Variants in PARD3 observed in about 807,000 individuals in gnomAD.
The protein encoded by PARD3 is partitioning defective 3 homolog.
PARD3 carries 75 observed loss-of-function variants against 155.4 expected under a neutral mutation model. That is an observed-to-expected ratio of 0.48 (90% CI 0.40 to 0.58). The LOEUF is 0.58. Among genes scored for constraint, PARD3 ranks in the 20% least tolerant of loss-of-function variants. PARD3 has a pLI of 0.00. For synonymous variants in PARD3, 576 were observed against 610.5 expected, an observed-to-expected ratio of 0.94 and a Z score of 0.83; for missense variants, 1,642 against 1,721.7, an observed-to-expected ratio of 0.95 and a Z score of 0.82.
At position 34,605,581 on chromosome 10, in the gene PARD3, ATATATATCTCC is replaced by A. The variant is rs1349200477; in HGVS notation, c.223-88433_223-88423del. The stretch of plus-strand genomic sequence containing the variant: ...TCTCCTATATATATATATATCTCCT[ATATATATCTCC>A]TATATATATATATCTCCTATATATA... On this transcript the variant is annotated intron_variant, in intron 2 of 24. Coordinates refer to ENST00000374788, the MANE Select transcript of PARD3 (RefSeq NM_001184785.2). Among the ~76,000 whole-genome samples the A allele has an allele frequency of 3.5e-3, 262 of 74,940 alleles. 25 individuals are homozygous for A. The highest frequency in any genetic ancestry group is 5.6e-3 in the East Asian group (19 of 3,394). The allele number at this position is 74,940 out of a possible 152,430, so 49.2% of individuals were successfully genotyped here.
chr10:34,493,319 T>A lies in PARD3; in HGVS notation c.404-23056A>T, dbSNP rs562027997. 1.6e-3 allele frequency among the ~76,000 whole-genome samples: 239 copies of A among 152,326 alleles called. 1 individual carries two copies. The highest frequency in any genetic ancestry group is 3.3e-3 in the South Asian group (16 of 4,826). ...AATGTCTTCAATCAATTCAAAAAAA[T>A]GTGACCTGTCTGCGTGTGGCACAGG... On this transcript the variant is annotated intron_variant, in intron 3 of 24. Coordinates refer to ENST00000374788, the MANE Select transcript of PARD3 (RefSeq NM_001184785.2).
At chr10:34,270,213 GCTCA>G (rs1400737507) in intron 21 of PARD3, among the ~76,000 whole-genome samples, 1 of 150,940 alleles carries the variant, frequency 6.6e-6, no homozygotes, top group Non-Finnish European at 1.5e-5. Context: ...TGAGATCTTG[GCTCA>G]CTGCAACCTC....
intron 2 of PARD3, among the ~76,000 whole-genome samples, chr10:34,646,705 G>A (rs961969727): frequency 3.3e-5 from 5 of 152,056 alleles, no homozygotes; most frequent in Admixed American, 2.0e-4. Context: ...TCGTTCTGTC[G>A]CCCAGGCTGG....
chr10:34,637,489 C>G (rs1310668097), intron 2 of PARD3, among the ~76,000 whole-genome samples: 6 of 152,188 alleles, frequency 3.9e-5, no homozygotes, highest in African/African-American at 7.2e-5. Flanking sequence ...AGAGACCAGT[C>G]GCAGAGGCTC....
chr10:34,494,569 C>G (rs1371211312), intron 3 of PARD3, among the ~76,000 whole-genome samples: 1 of 152,106 alleles, frequency 6.6e-6, no homozygotes, highest in Non-Finnish European at 1.5e-5. Context: ...GGTCCAGTGC[C>G]TCCAAACTTT....
intron 1 of PARD3, among the ~76,000 whole-genome samples, chr10:34,800,726 A>G (rs995763036): frequency 2.0e-5 from 3 of 152,194 alleles, no homozygotes; most frequent in Non-Finnish European, 2.9e-5. Context: ...GGAATGAAAA[A>G]AAAGTGACAG....
At chr10:34,666,598 G>A (rs372968502) in intron 2 of PARD3, among the ~76,000 whole-genome samples, 12 of 151,392 alleles carry the variant, frequency 7.9e-5, no homozygotes, top group African/African-American at 2.2e-4. Flanking sequence ...GGACTCCTTC[G>A]CCTCACCCTC....
In PARD3 at chr10:34,359,304, C is replaced by T. The variant is rs201098312; in HGVS notation, c.1910G>A (p.Arg637Gln). ...GGAASKDGRL[R>Q]VNDQLIAVNG... ...TACTGCTATCAGTTGATCATTCACC[C>T]GAAGCCTTCCATCCTGGGAAGAAAA... Residue 637 changes from arginine (R) to glutamine (Q), a missense_variant, in exon 14 of 25, where the codon CGG (arginine) becomes CAG (glutamine). This residue lies in a region of PARD3 where 1,529 missense variants were observed against 1,587.3 expected (regional missense o/e 0.96). Transcript: ENST00000374788. 4.3e-5 allele frequency: 69 copies of T among 1,613,046 alleles called. No individual in the cohort carries two copies. Among genetic ancestry groups the T allele is most frequent in the Non-Finnish European group, 5.4e-5 (64 of 1,179,568 alleles).
intron 1 of PARD3, among the ~76,000 whole-genome samples, chr10:34,735,850 A>T (rs1011621888): frequency 6.6e-6 from 1 of 152,134 alleles, no homozygotes; most frequent in African/African-American, 2.4e-5. Flanking sequence ...TAACAGAAAT[A>T]TTTTTTATAT....
chr10:34,653,560 G>A (rs1468698893), intron 2 of PARD3, among the ~76,000 whole-genome samples: 3 of 152,152 alleles, frequency 2.0e-5, no homozygotes, highest in Non-Finnish European at 4.4e-5. Flanking sequence ...GAACCATGAT[G>A]ATGAATCCAG....
chr10:34,800,479 TGG>T (rs1208044940), intron 1 of PARD3, among the ~76,000 whole-genome samples: 2 of 151,626 alleles, frequency 1.3e-5, no homozygotes, highest in African/African-American at 4.8e-5. Flanking sequence ...GGCGTGGTAG[TGG>T]GCACCTGTAA....
At chr10:34,583,158 A>T (rs2087654362) in intron 2 of PARD3, among the ~76,000 whole-genome samples, 1 of 152,226 alleles carries the variant, frequency 6.6e-6, no homozygotes, top group African/African-American at 2.4e-5. Flanking sequence ...TAAAAAATTT[A>T]CCAAAATGCA....
chr10:34,378,371 G>A (rs1361292224), intron 9 of PARD3, among the ~76,000 whole-genome samples: 1 of 152,138 alleles, frequency 6.6e-6, no homozygotes, highest in African/African-American at 2.4e-5. Context: ...ATGTAAATAT[G>A]ACTGCTAAAA....
At chr10:34,684,814 CACACACACACACACACAT>C (rs1173783689) in intron 2 of PARD3, among the ~76,000 whole-genome samples, 8 of 121,422 alleles carry the variant, frequency 6.6e-5, no homozygotes, top group African/African-American at 2.5e-4. Flanking sequence ...CACACACACA[CACACACACACACACACAT>C]ATATACACAC....
intron 22 of PARD3, among the ~76,000 whole-genome samples, chr10:34,241,138 G>A (rs1953563473): frequency 6.6e-6 from 1 of 152,192 alleles, no homozygotes; most frequent in African/African-American, 2.4e-5. Context: ...GAGGGACCAT[G>A]CGCTTGAGAG....
chr10:34,303,846 A>G (rs1052045565), intron 20 of PARD3, among the ~76,000 whole-genome samples: 1 of 152,170 alleles, frequency 6.6e-6, no homozygotes, highest in Non-Finnish European at 1.5e-5. Context: ...GAGACAGAGG[A>G]ATGAGCAGAG....
At chr10:34,786,566 T>A (rs913339441) in intron 1 of PARD3, among the ~76,000 whole-genome samples, 1 of 152,200 alleles carries the variant, frequency 6.6e-6, no homozygotes, top group Non-Finnish European at 1.5e-5. Context: ...AGCAATTTTA[T>A]GAATGGCAAA....
At chr10:34,426,842 G>C (rs2075634273) in intron 5 of PARD3, 1 of 152,322 alleles carries the variant, frequency 6.6e-6, no homozygotes, top group South Asian at 2.0e-4. Flanking sequence ...TGAAGCCATG[G>C]CAGAAGAACA....
intron 7 of PARD3, among the ~76,000 whole-genome samples, chr10:34,397,094 A>G (rs1393289284): frequency 6.6e-6 from 1 of 152,216 alleles, no homozygotes; most frequent in Non-Finnish European, 1.5e-5. Context: ...CTAGCACCTA[A>G]CACAGGGATT....
Sources: allele counts gnomAD v4.1 joint callset (sites outside exome capture counted in the v4.1 genomes callset), GRCh38; gene constraint gnomAD v4.1.1; regional missense constraint gnomAD v4.1.1; transcripts MANE v1.5; gene names NCBI Gene and HGNC (gene_info 2026-07-23, HGNC 2026-07-21).